OR6C4: variants seen among roughly 807,000 people sequenced by gnomAD.
OR6C4 encodes olfactory receptor family 6 subfamily C member 4, also known as olfactory receptor 6C4.
OR6C4 carries 20 observed loss-of-function variants against 15.1 expected under a neutral mutation model. The observed-to-expected ratio is 1.32, with a 90% CI of 0.93 to 1.92. OR6C4 has a LOEUF of 1.92. Ranked by LOEUF, OR6C4 falls within the 30% of genes most tolerant of loss-of-function variation. The pLI is 0.00. For synonymous variants in OR6C4, 179 were observed against 134.2 expected, an observed-to-expected ratio of 1.33 and a Z score of -2.31; for missense variants, 491 against 363.2, an observed-to-expected ratio of 1.35 and a Z score of -2.86.
intron 1 of OR6C4, among the ~76,000 whole-genome samples, chr12:55,550,745 G>A (rs1199269855): frequency 2.0e-5 from 3 of 152,116 alleles, no homozygotes; most frequent in Admixed American, 6.6e-5. Context: ...TGGAGATAAG[G>A]ATCTATAGCA....
rs1473585645 is a variant in OR6C4, at chr12:55,551,499, C to G, written c.273C>G (p.Ser91Arg). 1.2e-6 allele frequency: 2 copies of G among 1,613,784 alleles called. No individual in the cohort carries two copies. The highest frequency in any genetic ancestry group is 1.7e-6 in the Non-Finnish European group (2 of 1,179,926). ...TSMTTGNKVI[S>R]FAGCLTQYFF... ...TGACAACAGGAAATAAAGTTATCAGCTTTGCTGGCTGCTTGACTCAGTATT... is the reference window on the plus strand; with the variant it reads ...TGACAACAGGAAATAAAGTTATCAGGTTTGCTGGCTGCTTGACTCAGTATT... The change falls in exon 2 of 2, where the codon AGC becomes AGG. Residue 91 changes from serine (S) to arginine (R), a missense_variant. Coordinates refer to ENST00000641569, the MANE Select transcript of OR6C4 (RefSeq NM_001005494.2).
rs1376384582 is a variant in OR6C4, at chr12:55,552,766, T to A, written c.*610T>A. Reference sequence around the variant, plus strand: ...AAAGAATATATATTTAGTCTACTTTTCTCCAAATGAGGAGAAAATTTTTAA... The same window carrying A: ...AAAGAATATATATTTAGTCTACTTTACTCCAAATGAGGAGAAAATTTTTAA... On this transcript the variant is annotated 3_prime_UTR_variant, in exon 2 of 2. Coordinates refer to ENST00000641569, the MANE Select transcript of OR6C4 (RefSeq NM_001005494.2). The A allele has an allele frequency of 6.6e-6, 1 of 152,152 alleles. No individual in the cohort carries two copies. The highest frequency in any genetic ancestry group is 1.5e-5 in the Non-Finnish European group (1 of 68,004). The allele number at this position is 152,152 out of a possible 1,614,324, so 9.4% of individuals were successfully genotyped here.
At position 55,552,183 on chromosome 12, in the gene OR6C4, T is replaced by C; in HGVS notation, c.*27T>C. ...AAAGGAGATTACACTTCAAAATACA[T>C]TTTCACTTAACAAATATGCATTGAA... On this transcript the variant is annotated 3_prime_UTR_variant, in exon 2 of 2. Transcript: ENST00000641569. 1 of 1,486,180 alleles carries C rather than the reference T, an allele frequency of 6.7e-7. No homozygotes were observed. 92.1% of individuals were successfully genotyped at this position (1,486,180 alleles called of 1,614,324 possible).
chr12:55,551,585 G>C lies in OR6C4; in HGVS notation c.359G>C (p.Arg120Pro). 4.3e-6 allele frequency: 7 copies of C among 1,613,880 alleles called. No individual in the cohort carries two copies. Among genetic ancestry groups the C allele is most frequent in the Non-Finnish European group, 5.9e-6 (7 of 1,179,902 alleles). Residue 120 changes from arginine to proline, a missense_variant, in exon 2 of 2, where the codon CGT (arginine) becomes CCT (proline). By Grantham distance (103) the Arg-to-Pro change is moderately radical (BLOSUM62 -2). Transcript: ENST00000641569. ...FYLLASMSYD[R>P]YVAICKPLHY... ...CTCCTGGCCTCCATGTCTTATGATC[G>C]TTATGTGGCCATCTGCAAACCCTTG...
Position 55,552,141 on chromosome 12 carries a change from G to C in OR6C4, c.915G>C (p.Lys305Asn), listed in dbSNP as rs761428252. 2 of 1,594,072 alleles carry C rather than the reference G, an allele frequency of 1.3e-6. No individual in the cohort carries two copies. The highest frequency in any genetic ancestry group is 1.7e-6 in the Non-Finnish European group (2 of 1,174,774). ...VKQAFKDSVK[K>N]IVKL is the part of the protein sequence containing the mutation. ...AAGCTTTCAAGGACTCAGTCAAAAA[G>C]ATTGTGAAACTTTAAAAAAGGAGAT... The change falls in exon 2 of 2, where the codon AAG becomes AAC. Residue 305 changes from lysine to asparagine, a missense_variant. Coordinates refer to ENST00000641569, the MANE Select transcript of OR6C4 (RefSeq NM_001005494.2).
Position 55,553,451 on chromosome 12 carries a change from G to A in OR6C4, c.*1295G>A, listed in dbSNP as rs1019049402. ...TTGAGTAAAATGAGGTACTTCTCAA[G>A]CATTTAAGGAACAAGCTGGATTGAA... On this transcript the variant is annotated 3_prime_UTR_variant, in exon 2 of 2. Transcript: ENST00000641569. 6.6e-6 allele frequency: 1 copy of A among 152,120 alleles called. No individual in the cohort carries two copies. Among genetic ancestry groups the A allele is most frequent in the Admixed American group, 6.6e-5 (1 of 15,252 alleles). 9.4% of individuals were successfully genotyped at this position (152,120 alleles called of 1,614,324 possible).
Position 55,551,309 on chromosome 12 carries a change from T to G in OR6C4, c.83T>G (p.Phe28Cys). 1 of 1,613,698 alleles carries G rather than the reference T, an allele frequency of 6.2e-7. No individual in the cohort carries two copies. The highest frequency in any genetic ancestry group is 1.1e-5 in the South Asian group (1 of 91,024). ...QPELQVMIFI[F>C]LFLTYMLSIL... ...GAACTCCAAGTGATGATATTCATCT[T>G]TCTGTTCCTCACCTACATGCTAAGT... Residue 28 changes from phenylalanine to cysteine, a missense_variant, in exon 2 of 2, where the codon TTT becomes TGT. By Grantham distance (205) the Phe-to-Cys change is radical (BLOSUM62 -2). Coordinates refer to ENST00000641569, the MANE Select transcript of OR6C4 (RefSeq NM_001005494.2).
In OR6C4 at chr12:55,551,921, G is replaced by A. The variant is rs1299260525; in HGVS notation, c.695G>A (p.Arg232Lys). ...TILRIPSAQQ[R>K]TKAFSTCSSH... ...CTGAGGATCCCTTCTGCCCAGCAAA[G>A]GACAAAGGCCTTTTCCACTTGTTCC... Residue 232 changes from arginine (R) to lysine (K), a missense_variant, in exon 2 of 2, where the codon AGG (arginine) becomes AAG (lysine). By Grantham distance (26) the Arg-to-Lys change is conservative. Transcript: ENST00000641569. 6 of 1,613,712 alleles carry A rather than the reference G, an allele frequency of 3.7e-6. No individual in the cohort carries two copies. Among genetic ancestry groups the A allele is most frequent in the Non-Finnish European group, 4.2e-6 (5 of 1,179,878 alleles).
chr12:55,552,356 T>C lies in OR6C4; in HGVS notation c.*200T>C, dbSNP rs1385748227. 4 of 457,254 alleles carry C rather than the reference T, an allele frequency of 8.7e-6. No individual in the cohort carries two copies. The highest frequency in any genetic ancestry group is 8.3e-5 in the African/African-American group (4 of 48,424). 28.3% of individuals were successfully genotyped at this position (457,254 alleles called of 1,614,324 possible). A position where few individuals can be genotyped will look rare whatever the true frequency, so the allele number is the denominator to read the frequency against. ...TAAATTTACAAAAAACAAAATAATA[T>C]TTTAATTGTTATTAGAGAAGAGTGA... is the stretch of plus-strand genomic sequence containing the variant. On this transcript the variant is annotated 3_prime_UTR_variant, in exon 2 of 2. Coordinates refer to ENST00000641569, the MANE Select transcript of OR6C4 (RefSeq NM_001005494.2).
chr12:55,552,852 C>T lies in OR6C4; in HGVS notation c.*696C>T, dbSNP rs948408856. On this transcript the variant is annotated 3_prime_UTR_variant, in exon 2 of 2. Coordinates refer to ENST00000641569, the MANE Select transcript of OR6C4 (RefSeq NM_001005494.2). ...TATGGTTAAAACAGGTTTCTAGAGA[C>T]AAGTTTAGAAGGCTTTCATTCTCCT... The T allele has an allele frequency of 6.6e-6, 1 of 151,992 alleles. No homozygotes were observed. The highest frequency in any genetic ancestry group is 1.5e-5 in the Non-Finnish European group (1 of 67,956). 9.4% of individuals were successfully genotyped at this position (151,992 alleles called of 1,614,324 possible). A position where few individuals can be genotyped will look rare whatever the true frequency, so the allele number is the denominator to read the frequency against.
rs1422294695 is a variant in OR6C4, at chr12:55,553,394, G to C, written c.*1238G>C. 6.6e-6 allele frequency: 1 copy of C among 151,970 alleles called. No individual in the cohort carries two copies. The highest frequency in any genetic ancestry group is 1.5e-5 in the Non-Finnish European group (1 of 67,968). The allele number at this position is 151,970 out of a possible 1,614,324, so 9.4% of individuals were successfully genotyped here. On this transcript the variant is annotated 3_prime_UTR_variant, in exon 2 of 2. Transcript: ENST00000641569. ...TGGGGTAAAAGTGGAACACAATCTG[G>C]TATTTTCACATGCTTTATATGTGGT...
chr12:55,552,242 A>C lies in OR6C4; in HGVS notation c.*86A>C. Reference sequence around the variant, plus strand: ...TTTCAAGTGCTAAATTGGCCCTTGAAGATTAAAATAGGAAAAGTATATGTC... The same window carrying C: ...TTTCAAGTGCTAAATTGGCCCTTGACGATTAAAATAGGAAAAGTATATGTC... On this transcript the variant is annotated 3_prime_UTR_variant, in exon 2 of 2. Transcript: ENST00000641569. The C allele has an allele frequency of 1.2e-6, 1 of 829,410 alleles. No homozygotes were observed. The highest frequency in any genetic ancestry group is 1.9e-6 in the Non-Finnish European group (1 of 538,602). 51.4% of individuals were successfully genotyped at this position (829,410 alleles called of 1,614,324 possible).
At position 55,552,046 on chromosome 12, in the gene OR6C4, G is replaced by A. The variant is rs1421045416; in HGVS notation, c.820G>A (p.Val274Ile). 5.0e-6 allele frequency: 8 copies of A among 1,613,076 alleles called. No homozygotes were observed. In the East Asian group the frequency reaches 1.8e-4, roughly 36 times the overall value. ...EGGAFNKGIA[V>I]LITSVTPLLN... ...AGGTGCTTTCAACAAAGGAATAGCTGTACTCATTACTTCGGTTACTCCCTT... is the reference window on the plus strand; with the variant it reads ...AGGTGCTTTCAACAAAGGAATAGCTATACTCATTACTTCGGTTACTCCCTT... Residue 274 changes from valine (V) to isoleucine (I), a missense_variant, in exon 2 of 2, where the codon GTA becomes ATA. Transcript: ENST00000641569.
In OR6C4 at chr12:55,554,249, A is replaced by G. The variant is rs745590206; in HGVS notation, c.*2093A>G. On this transcript the variant is annotated 3_prime_UTR_variant, in exon 2 of 2. Transcript: ENST00000641569. ...TAGCATCAACTTCATTGCCCTAGAT[A>G]TCTATGGGAGAGACAGGATGTATTA... The G allele has an allele frequency of 1.3e-5, 2 of 152,308 alleles. No individual in the cohort carries two copies. Among genetic ancestry groups the G allele is most frequent in the Non-Finnish European group, 2.9e-5 (2 of 68,008 alleles). The allele number at this position is 152,308 out of a possible 1,614,324, so 9.4% of individuals were successfully genotyped here.
rs1363112158 is a variant in OR6C4 at position 55,551,324 on chromosome 12, A to T, written c.98A>T (p.Tyr33Phe). 2.5e-6 allele frequency: 4 copies of T among 1,613,454 alleles called. No homozygotes were observed. Among genetic ancestry groups the T allele is most frequent in the Non-Finnish European group, 1.7e-6 (2 of 1,179,524 alleles). The change falls in exon 2 of 2, where the codon TAC becomes TTC. Residue 33 changes from tyrosine to phenylalanine, a missense_variant. Tyr to Phe is a conservative substitution (Grantham distance 22, BLOSUM62 3). Coordinates refer to ENST00000641569, the MANE Select transcript of OR6C4 (RefSeq NM_001005494.2). Reference protein sequence around the residue: ...VMIFIFLFLTYMLSILGNLTI... With the variant: ...VMIFIFLFLTFMLSILGNLTI... ...ATATTCATCTTTCTGTTCCTCACCT[A>T]CATGCTAAGTATCCTAGGAAATCTG...
intron 1 of OR6C4, among the ~76,000 whole-genome samples, 177 bp from the exon 2 acceptor site, chr12:55,551,032 T>A (rs926481997): frequency 6.6e-6 from 1 of 152,048 alleles, no homozygotes; most frequent in African/African-American, 2.4e-5. Flanking sequence ...ATGAAAAAGG[T>A]CACTTAAACA....
In OR6C4 at chr12:55,549,811, G is replaced by A. The variant is rs1337808262; in HGVS notation, c.-326G>A. The A allele has an allele frequency of 6.6e-6, 1 of 152,102 alleles. No homozygotes were observed. The highest frequency in any genetic ancestry group is 2.4e-5 in the African/African-American group (1 of 41,422). The allele number at this position is 152,102 out of a possible 1,614,324, so 9.4% of individuals were successfully genotyped here. On this transcript the variant is annotated 5_prime_UTR_variant, in exon 1 of 2. An upstream start codon of the reference 5' UTR is lost. Coordinates refer to ENST00000641569, the MANE Select transcript of OR6C4 (RefSeq NM_001005494.2). ...GGATTCTTAGAATGGAAAATAATAT[G>A]CTCTTTTTTCTGGTTAAGTTCCATA...
rs1258642798 is a variant in OR6C4 at position 55,551,298 on chromosome 12, G to C, written c.72G>C (p.Met24Ile). The C allele has an allele frequency of 6.2e-7, 1 of 1,613,400 alleles. No individual in the cohort carries two copies. Among genetic ancestry groups the C allele is most frequent in the Admixed American group, 1.7e-5 (1 of 59,914 alleles). ...GLTNQPELQVMIFIFLFLTYM... is the reference protein window; with the variant it reads ...GLTNQPELQVIIFIFLFLTYM... The stretch of plus-strand genomic sequence containing the variant: ...CAAATCAACCTGAACTCCAAGTGAT[G>C]ATATTCATCTTTCTGTTCCTCACCT... The change falls in exon 2 of 2, where the codon ATG (methionine) becomes ATC (isoleucine). Residue 24 changes from methionine to isoleucine, a missense_variant. Coordinates refer to ENST00000641569, the MANE Select transcript of OR6C4 (RefSeq NM_001005494.2).
Position 55,552,069 on chromosome 12 carries a change from C to T in OR6C4, c.843C>T (p.Pro281=), listed in dbSNP as rs571488876. 4 of 1,612,952 alleles carry T rather than the reference C, an allele frequency of 2.5e-6. No homozygotes were observed. Among genetic ancestry groups the T allele is most frequent in the East Asian group, 4.5e-5 (2 of 44,840 alleles). Residue 281 remains proline (P), a synonymous_variant, in exon 2 of 2, where the codon CCC becomes CCT. Transcript: ENST00000641569. The part of the protein sequence containing the change: ...GIAVLITSVT[P]LLNPFIYTLR... ...CTGTACTCATTACTTCGGTTACTCC[C>T]TTACTGAATCCCTTCATATATACTT...
Sources: gnomAD v4.1 joint callset for allele counts (sites outside exome capture counted in the v4.1 genomes callset) on GRCh38, gnomAD v4.1.1 for gene constraint, MANE v1.5 for transcripts, NCBI Gene and HGNC (gene_info 2026-07-23, HGNC 2026-07-21) for gene names.